Variants in SCAPER observed in about 807,000 individuals in gnomAD.
The protein encoded by SCAPER is S phase cyclin A-associated protein in the endoplasmic reticulum.
SCAPER carries 98 observed loss-of-function variants against 182.2 expected under a neutral mutation model. The observed-to-expected ratio is 0.54, with a 90% CI of 0.46 to 0.64. The LOEUF is 0.64. SCAPER is among the 30% of genes least tolerant of loss of function. The pLI is 0.00. For missense variants in SCAPER, 1,432 were observed against 1,690.0 expected (o/e 0.85, Z 2.68); for synonymous variants, 605 against 564.6 (o/e 1.07, Z -1.01).
chr15:76,870,728 A>G (rs1231475399), intron 2 of SCAPER, among the ~76,000 whole-genome samples: 1 of 152,104 alleles, frequency 6.6e-6, no homozygotes, highest in Non-Finnish European at 1.5e-5. Context: ...GACATAAGAA[A>G]TTTTTAAAAA....
intron 24 of SCAPER, among the ~76,000 whole-genome samples, chr15:76,498,804 A>G (rs767529207): frequency 1.3e-5 from 2 of 152,224 alleles, no homozygotes; most frequent in East Asian, 1.9e-4. Flanking sequence ...TAAATTTGTG[A>G]TATCTTGTAA....
intron 14 of SCAPER, 72 bp downstream of exon 14, chr15:76,764,889 G>A: frequency 1.2e-6 from 1 of 815,136 alleles, no homozygotes; most frequent in Middle Eastern, 2.4e-4. Flanking sequence ...GCTTCTCTCA[G>A]ACCAGAAGTA....
chr15:76,708,713 C>A (rs779903359), intron 17 of SCAPER, among the ~76,000 whole-genome samples: 1 of 152,190 alleles, frequency 6.6e-6, no homozygotes, highest in East Asian at 1.9e-4. Context: ...CGACAAAATA[C>A]ATAAACCTTT....
intron 21 of SCAPER, among the ~76,000 whole-genome samples, chr15:76,629,543 T>C (rs2052908547): frequency 6.6e-6 from 1 of 152,222 alleles, no homozygotes; most frequent in South Asian, 2.1e-4. Context: ...TTTAGATCTG[T>C]TTATGTGATG....
chr15:76,709,497 T>C (rs557878855), intron 17 of SCAPER, among the ~76,000 whole-genome samples: 1 of 152,254 alleles, frequency 6.6e-6, no homozygotes, highest in East Asian at 1.9e-4. Flanking sequence ...AGACATTAAT[T>C]ATCAAAGCTG....
At position 76,689,592 on chromosome 15, in the gene SCAPER, A is replaced by T. The variant is rs184691280; in HGVS notation, c.2508+12166T>A. Among the ~76,000 whole-genome samples, 336 of 152,126 alleles carry T rather than the reference A, an allele frequency of 2.2e-3. 1 individual carries two copies. Among genetic ancestry groups the T allele is most frequent in the African/African-American group, 7.8e-3 (322 of 41,538 alleles). On this transcript the variant is annotated intron_variant, in intron 20 of 31. Coordinates refer to ENST00000563290, the MANE Select transcript of SCAPER (RefSeq NM_020843.4). ...GGTAGAGAAAAGCCTCCCCCTAAAA[A>T]TGGCTTCTAAACCTGAGGGCCTAGA...
intron 4 of SCAPER, among the ~76,000 whole-genome samples, chr15:76,849,545 C>G (rs935943480): frequency 2.0e-5 from 3 of 152,186 alleles, no homozygotes; most frequent in Non-Finnish European, 4.4e-5. Flanking sequence ...CACCCCAGAG[C>G]TGCAGTGGGC....
chr15:76,564,665 AT>A (rs903550852), intron 23 of SCAPER, among the ~76,000 whole-genome samples: 13 of 152,122 alleles, frequency 8.5e-5, no homozygotes, highest in South Asian at 2.1e-4. Flanking sequence ...AAAAAGAAAA[AT>A]TTTTTTTAAA....
chr15:76,681,795 G>A (rs768192857), intron 20 of SCAPER, among the ~76,000 whole-genome samples: 39 of 152,140 alleles, frequency 2.6e-4, no homozygotes, highest in Non-Finnish European at 5.1e-4. Flanking sequence ...TTAGAGGGGC[G>A]GTAGGGGCAA....
At chr15:76,740,528 G>A (rs985912386) in intron 15 of SCAPER, among the ~76,000 whole-genome samples, 4 of 113,620 alleles carry the variant, frequency 3.5e-5, no homozygotes, top group Non-Finnish European at 5.8e-5. Flanking sequence ...GTGTAGACTC[G>A]GCCTTCCCCA....
chr15:76,541,904 T>G (rs2044781437), intron 23 of SCAPER, among the ~76,000 whole-genome samples: 1 of 152,196 alleles, frequency 6.6e-6, no homozygotes, highest in South Asian at 2.1e-4. Context: ...ATTTTTTAAA[T>G]TAACAAAATA....
chr15:76,410,068 T>A (rs1416812057), intron 26 of SCAPER, among the ~76,000 whole-genome samples: 1 of 151,964 alleles, frequency 6.6e-6, no homozygotes, highest in African/African-American at 2.4e-5. Flanking sequence ...GCTGGGATTA[T>A]AGGCATGAGC....
At chr15:76,385,437 C>G (rs2043228830) in intron 27 of SCAPER, among the ~76,000 whole-genome samples, 1 of 152,146 alleles carries the variant, frequency 6.6e-6, no homozygotes, top group Admixed American at 6.6e-5. Context: ...TGGAGTTTGG[C>G]TTCATTTTGG....
At position 76,480,994 on chromosome 15, in the gene SCAPER, G is replaced by C. The variant is rs572852590; in HGVS notation, c.2955-9659C>G. Among the ~76,000 whole-genome samples, 3 of 152,304 alleles carry C rather than the reference G, an allele frequency of 2.0e-5. No homozygotes were observed. In the East Asian group the frequency reaches 5.8e-4, roughly 29 times the overall value. ...GATCCGCCCGGCTCGGCCTCCCAAA[G>C]TGCTGGGATTACAGGCATGAGCCAC... On this transcript the variant is annotated intron_variant, in intron 24 of 31. Coordinates refer to ENST00000563290, the MANE Select transcript of SCAPER (RefSeq NM_020843.4).
chr15:76,411,267 T>A (rs2045271369), intron 26 of SCAPER, among the ~76,000 whole-genome samples: 1 of 152,098 alleles, frequency 6.6e-6, no homozygotes, highest in South Asian at 2.1e-4. Context: ...GAATACAGGT[T>A]GAGCATGCCC....
intron 20 of SCAPER, among the ~76,000 whole-genome samples, chr15:76,697,805 A>G (rs1231419798): frequency 6.6e-6 from 1 of 151,958 alleles, no homozygotes; most frequent in Non-Finnish European, 1.5e-5. Flanking sequence ...ATGCCCAGCT[A>G]ATTTTTGTAT....
chr15:76,544,274 A>G (rs559773567), intron 23 of SCAPER, among the ~76,000 whole-genome samples: 1 of 152,348 alleles, frequency 6.6e-6, no homozygotes, highest in African/African-American at 2.4e-5. Flanking sequence ...TTGCAAGTTT[A>G]GTACAGAATT....
chr15:76,473,454 A>AAT, intron 24 of SCAPER, among the ~76,000 whole-genome samples: 1 of 152,206 alleles, frequency 6.6e-6, no homozygotes, highest in East Asian at 1.9e-4. Flanking sequence ...GGATGTTTTG[A>AAT]ATACTGTGAC....
At chr15:76,482,400 T>C (rs1263803931) in intron 24 of SCAPER, among the ~76,000 whole-genome samples, 1 of 152,166 alleles carries the variant, frequency 6.6e-6, no homozygotes, top group Non-Finnish European at 1.5e-5. Flanking sequence ...AAAGAGCATC[T>C]ATAAGAAACT....
Sources: gnomAD v4.1 joint callset for allele counts (sites outside exome capture counted in the v4.1 genomes callset) on GRCh38, gnomAD v4.1.1 for gene constraint, MANE v1.5 for transcripts, NCBI Gene and HGNC (gene_info 2026-07-23, HGNC 2026-07-21) for gene names.